Variants in VWF observed in about 807,000 individuals in gnomAD.
VWF encodes von Willebrand factor.
VWF carries 176 observed loss-of-function variants against 308.6 expected under a neutral mutation model. That is an observed-to-expected ratio of 0.57 (90% CI 0.50 to 0.65). VWF has a LOEUF of 0.65. VWF is among the 30% of genes least tolerant of loss of function. VWF has a pLI of 0.00. For missense variants in VWF, 3,146 were observed against 3,648.2 expected, an observed-to-expected ratio of 0.86 and a Z score of 3.55; for synonymous variants, 1,385 against 1,443.4, an observed-to-expected ratio of 0.96 and a Z score of 0.92.
rs547512598 is a variant in VWF at position 6,110,259 on chromosome 12, G to A, written c.532+115C>T. 57 of 1,098,936 alleles carry A rather than the reference G, an allele frequency of 5.2e-5. No homozygotes were observed. In the African/African-American group the frequency reaches 8.6e-4, roughly 17 times the overall value. 68.1% of individuals were successfully genotyped at this position (1,098,936 alleles called of 1,614,324 possible). On this transcript the variant is annotated intron_variant, in intron 5 of 51. Coordinates refer to ENST00000261405, the MANE Select transcript of VWF (RefSeq NM_000552.5). ...AGATAAGGTTGGCAACATAAATTGA[G>A]GTGAGGTCACAGTGAGGCTTGAATG...
intron 5 of VWF, among the ~76,000 whole-genome samples, chr12:6,104,190 G>A (rs989013577): frequency 6.6e-6 from 1 of 152,022 alleles, no homozygotes; most frequent in African/African-American, 2.4e-5. Context: ...AACATAACTT[G>A]TCATGAGAGA....
chr12:6,017,900 A>G (rs1944080716), intron 28 of VWF, among the ~76,000 whole-genome samples: 3 of 152,170 alleles, frequency 2.0e-5, no homozygotes, highest in African/African-American at 7.2e-5. Flanking sequence ...GACACCTGAC[A>G]TCCTGGTCTT....
intron 42 of VWF, among the ~76,000 whole-genome samples, chr12:5,977,448 A>G (rs1943544330): frequency 6.6e-6 from 1 of 152,262 alleles, no homozygotes; most frequent in Non-Finnish European, 1.5e-5. Flanking sequence ...AATAATCTCC[A>G]TCAAATATTG....
At chr12:5,993,624 T>C (rs915508714) in intron 37 of VWF, among the ~76,000 whole-genome samples, 3 of 146,008 alleles carry the variant, frequency 2.1e-5, no homozygotes, top group Admixed American at 7.0e-5. Flanking sequence ...TGTATATATA[T>C]ACATATATAT....
At chr12:6,117,076 A>T (rs1945375583) in intron 3 of VWF, among the ~76,000 whole-genome samples, 2 of 152,180 alleles carry the variant, frequency 1.3e-5, no homozygotes, top group Non-Finnish European at 2.9e-5. Flanking sequence ...CAAGAGGCAA[A>T]GCAGCCACCC....
At chr12:6,122,962 G>A (rs1945447056) in intron 2 of VWF, 180 bp downstream of exon 2, 3 of 796,308 alleles carry the variant, frequency 3.8e-6, no homozygotes, top group African/African-American at 1.7e-5. Flanking sequence ...GCAGGCACCT[G>A]GTCTCTGGAA....
At chr12:6,036,815 T>C (rs1944342267) in intron 18 of VWF, among the ~76,000 whole-genome samples, 1 of 152,212 alleles carries the variant, frequency 6.6e-6, no homozygotes, top group African/African-American at 2.4e-5. Context: ...CAAAGGTACT[T>C]CAAAAAATCA....
intron 11 of VWF, 92 bp from the exon 12 acceptor site, chr12:6,064,476 C>T: frequency 1.3e-6 from 2 of 1,558,208 alleles, no homozygotes; most frequent in South Asian, 2.3e-5. Context: ...AAGGCCTCAA[C>T]CCGAGAGCCT....
At chr12:6,034,932 C>A in intron 19 of VWF, 106 bp from the exon 20 acceptor site, 1 of 1,429,416 alleles carries the variant, frequency 7.0e-7, no homozygotes, top group Non-Finnish European at 9.6e-7. Context: ...GGGTGCCTCC[C>A]AACCCTCCAG....
rs146380266 is a variant in VWF at position 6,105,789 on chromosome 12, C to T, written c.532+4585G>A. 9.7e-3 allele frequency among the ~76,000 whole-genome samples: 1,477 copies of T among 152,104 alleles called. 23 individuals carry two copies. Among genetic ancestry groups the T allele is most frequent in the African/African-American group, 0.034 (1,420 of 41,492 alleles). On this transcript the variant is annotated intron_variant, in intron 5 of 51. Transcript: ENST00000261405. ...CGGTGGTTCATGCCTGTAATCCCAG[C>T]ACTCTGGGAGGCCAAGGTGGGCAGA... is the stretch of plus-strand genomic sequence containing the variant.
At chr12:6,017,298 A>G (rs1944074174) in intron 28 of VWF, among the ~76,000 whole-genome samples, 1 of 152,226 alleles carries the variant, frequency 6.6e-6, no homozygotes, top group Non-Finnish European at 1.5e-5. Context: ...CTTGCAGGGC[A>G]GGTGAACATA....
At chr12:6,066,204 T>C (rs565827528) in intron 10 of VWF, among the ~76,000 whole-genome samples, 2 of 152,092 alleles carry the variant, frequency 1.3e-5, no homozygotes, top group South Asian at 2.1e-4. Flanking sequence ...TCACACATCC[T>C]GGAAGGTGTC....
chr12:6,123,254 T>G, intron 1 of VWF, 58 bp from the exon 2 acceptor site: 1 of 1,602,364 alleles, frequency 6.2e-7, no homozygotes, highest in Non-Finnish European at 8.6e-7. Context: ...CGGCTGCTGG[T>G]GTGGCGACTA....
At chr12:6,109,238 C>T (rs1244138522) in intron 5 of VWF, among the ~76,000 whole-genome samples, 1 of 149,990 alleles carries the variant, frequency 6.7e-6, no homozygotes, top group Non-Finnish European at 1.5e-5. Flanking sequence ...CAGAGACACA[C>T]AGACACACAC....
chr12:6,098,713 A>G (rs1945130616), intron 5 of VWF, among the ~76,000 whole-genome samples: 1 of 151,972 alleles, frequency 6.6e-6, no homozygotes, highest in Non-Finnish European at 1.5e-5. Flanking sequence ...TGGGAGGCGG[A>G]CCTTGCAGTG....
chr12:6,016,610 G>A lies in VWF; in HGVS notation c.5217C>T (p.Thr1739=). 1 of 1,614,216 alleles carries A rather than the reference G, an allele frequency of 6.2e-7. No homozygotes were observed. Residue 1739 remains threonine, a synonymous_variant, in exon 30 of 52, where the codon ACC becomes ACT. Transcript: ENST00000261405. ...CCACGTTCCATGGCACGTCAATGGT[G>A]GTGATGCTTCCATACTGCAGCACTG... The part of the protein sequence containing the change: ...QVSVLQYGSI[T]TIDVPWNVVP...
In VWF at chr12:6,044,295, C is replaced by T. The variant is rs778299428; in HGVS notation, c.2438G>A (p.Gly813Asp). ...GCTCTGTGCCTGGTGACTCACCATG[C>T]CCGGGGGGCAGAGGCAGCCAGAGAC... ...GCVSGCLCPP[G>D]MVRHENRCVA... is the part of the protein sequence containing the mutation. Residue 813 changes from glycine to aspartate, a missense_variant, in exon 18 of 52, where the codon GGC becomes GAC. Transcript: ENST00000261405. 3.7e-6 allele frequency: 6 copies of T among 1,614,068 alleles called. No individual in the cohort carries two copies. The highest frequency in any genetic ancestry group is 5.1e-6 in the Non-Finnish European group (6 of 1,179,984).
At chr12:6,023,387 G>C (rs1243316710) in intron 25 of VWF, among the ~76,000 whole-genome samples, 1 of 152,126 alleles carries the variant, frequency 6.6e-6, no homozygotes, top group African/African-American at 2.4e-5. Flanking sequence ...TCCCCTGCCA[G>C]AATCTCTCCA....
chr12:6,051,286 CTTTTTTTTTTT>C (rs55842185), intron 16 of VWF, among the ~76,000 whole-genome samples: 1 of 117,544 alleles, frequency 8.5e-6, no homozygotes, highest in Admixed American at 8.7e-5. Context: ...TTCTTTTTTT[CTTTTTTTTTTT>C]TTTTTTTTTT....
Sources: allele counts gnomAD v4.1 joint callset (sites outside exome capture counted in the v4.1 genomes callset), GRCh38; gene constraint gnomAD v4.1.1; transcripts MANE v1.5; gene names NCBI Gene and HGNC (gene_info 2026-07-23, HGNC 2026-07-21).